GRB10: variants seen among roughly 807,000 people sequenced by gnomAD.
GRB10 encodes the protein growth factor receptor-bound protein 10.
Under a neutral mutation model 80.9 loss-of-function variants are expected in GRB10, and 20 were observed. That is an observed-to-expected ratio of 0.25 (90% CI 0.17 to 0.36). The LOEUF (loss-of-function observed/expected upper bound fraction) is 0.36, where lower values mean the gene tolerates loss of function less well. GRB10 is among the 10% of genes least tolerant of loss of function. The pLI, the probability that GRB10 is intolerant of heterozygous loss-of-function variation, is 1.00. For missense variants in GRB10, 548 were observed against 747.7 expected, an observed-to-expected ratio of 0.73 and a Z score of 3.12; for synonymous variants, 291 against 291.5, an observed-to-expected ratio of 1.00 and a Z score of 0.02.
At chr7:50,667,315 T>G (rs148540985) in intron 7 of GRB10, among the ~76,000 whole-genome samples, 19 of 152,342 alleles carry the variant, frequency 1.2e-4, no homozygotes, top group Middle Eastern at 3.4e-3. Context: ...CTACGTTAAC[T>G]GAGTTCTTCC....
At chr7:50,720,398 T>C (rs2067526452) in intron 4 of GRB10, among the ~76,000 whole-genome samples, 1 of 152,104 alleles carries the variant, frequency 6.6e-6, no homozygotes, top group Non-Finnish European at 1.5e-5. Flanking sequence ...GACTGCATGA[T>C]GAAAACTGGA....
intron 4 of GRB10, chr7:50,710,924 CCT>C: frequency 3.7e-6 from 6 of 1,611,936 alleles, no homozygotes; most frequent in Non-Finnish European, 5.1e-6. Flanking sequence ...TCTCTCTCTC[CCT>C]CTCTCTACAG....
chr7:50,788,953 G>C (rs921203888), intron 1 of GRB10, among the ~76,000 whole-genome samples: 1 of 152,172 alleles, frequency 6.6e-6, no homozygotes. Flanking sequence ...CGCACTGCAG[G>C]GGTCTTCACA....
chr7:50,592,881 A>G lies in GRB10; in HGVS notation c.*71T>C. On this transcript the variant is annotated 3_prime_UTR_variant, in exon 19 of 19. Transcript: ENST00000401949. ...GGTGCAGAATCGATGTGTGTTCTTCACCAACGCACAGACCGCTTCTTCACT... is the reference window on the plus strand; with the variant it reads ...GGTGCAGAATCGATGTGTGTTCTTCGCCAACGCACAGACCGCTTCTTCACT... 6.5e-7 allele frequency: 1 copy of G among 1,546,360 alleles called. No individual in the cohort carries two copies. The highest frequency in any genetic ancestry group is 8.9e-7 in the Non-Finnish European group (1 of 1,119,636).
chr7:50,746,642 C>T (rs1279646066), intron 3 of GRB10, among the ~76,000 whole-genome samples: 1 of 152,130 alleles, frequency 6.6e-6, no homozygotes, highest in African/African-American at 2.4e-5. Flanking sequence ...CTTCATTCAC[C>T]CTCAGCTACT....
intron 7 of GRB10, among the ~76,000 whole-genome samples, chr7:50,630,905 C>T (rs947054614): frequency 6.6e-6 from 1 of 152,166 alleles, no homozygotes; most frequent in Non-Finnish European, 1.5e-5. Flanking sequence ...TTTCTGTTGT[C>T]ACTTTTTACA....
At chr7:50,689,689 C>A (rs1368315342) in intron 5 of GRB10, among the ~76,000 whole-genome samples, 1 of 151,960 alleles carries the variant, frequency 6.6e-6, no homozygotes, top group African/African-American at 2.4e-5. Flanking sequence ...TTGAGGACCT[C>A]CTTAAAGATG....
chr7:50,612,687 C>G, intron 13 of GRB10, 54 bp downstream of exon 13: 1 of 1,210,556 alleles, frequency 8.3e-7, no homozygotes, highest in Admixed American at 1.7e-5. Context: ...AGTCCAGAGG[C>G]CAATTTTCCA....
intron 5 of GRB10, among the ~76,000 whole-genome samples, chr7:50,688,664 T>G (rs890054901): frequency 6.0e-5 from 9 of 149,762 alleles, no homozygotes; most frequent in Non-Finnish European, 1.2e-4. Flanking sequence ...GGCCACTGAA[T>G]CCCACTCTCA....
intron 5 of GRB10, among the ~76,000 whole-genome samples, chr7:50,703,419 T>C (rs1037605012): frequency 6.6e-6 from 1 of 152,146 alleles, no homozygotes. Context: ...TAAATATTAA[T>C]AGAAGGAACA....
intron 4 of GRB10, among the ~76,000 whole-genome samples, chr7:50,715,421 T>C (rs1283856351): frequency 6.6e-6 from 1 of 152,132 alleles, no homozygotes; most frequent in East Asian, 1.9e-4. Flanking sequence ...GAGTGACTTT[T>C]CCCAGTAAGA....
intron 7 of GRB10, among the ~76,000 whole-genome samples, chr7:50,647,975 G>A (rs1013146335): frequency 7.2e-5 from 11 of 152,314 alleles, no homozygotes; most frequent in South Asian, 2.1e-4. Flanking sequence ...GACCTGTTGC[G>A]TTGGCAGTGT....
rs779391116 is a variant in GRB10, at chr7:50,605,350, G to A, written c.1329C>T (p.Arg443=). 21 of 1,614,058 alleles carry A rather than the reference G, an allele frequency of 1.3e-5. No homozygotes were observed. The highest frequency in any genetic ancestry group is 2.2e-5 in the South Asian group (2 of 91,088). The change falls in exon 15 of 19, where the codon CGC becomes CGT. Residue 443 remains arginine (R), a synonymous_variant. Coordinates refer to ENST00000401949, the MANE Select transcript of GRB10 (RefSeq NM_001350814.2). ...GGGCCTCTGCCGGATTCTCTATCAC[G>A]CGTCCTGTTTGCCCAGAAAAATCCA... is the stretch of plus-strand genomic sequence containing the variant. The part of the protein sequence containing the change: ...VAMDFSGQTG[R]VIENPAEAQS...
intron 2 of GRB10, chr7:50,779,386 T>C (rs2078047220): frequency 6.6e-6 from 1 of 152,230 alleles, no homozygotes; most frequent in Non-Finnish European, 1.5e-5. Flanking sequence ...TTTTCAGACA[T>C]TGTTAATATT....
At chr7:50,627,751 C>T (rs543232273) in intron 7 of GRB10, among the ~76,000 whole-genome samples, 8 of 152,382 alleles carry the variant, frequency 5.2e-5, no homozygotes, top group African/African-American at 1.7e-4. Context: ...GTGTGTTTAA[C>T]AAATCCTTAC....
chr7:50,594,213 G>T (rs949083022), intron 18 of GRB10, among the ~76,000 whole-genome samples: 1 of 152,174 alleles, frequency 6.6e-6, no homozygotes. Context: ...CCCCAGTGCG[G>T]TGCAGGAAAA....
At chr7:50,757,104 C>A (rs2075191137) in intron 2 of GRB10, among the ~76,000 whole-genome samples, 1 of 152,180 alleles carries the variant, frequency 6.6e-6, no homozygotes, top group African/African-American at 2.4e-5. Context: ...GAAGACCAGT[C>A]AAATGGCTGT....
intron 7 of GRB10, among the ~76,000 whole-genome samples, chr7:50,630,342 C>T (rs1409390701): frequency 6.6e-6 from 1 of 152,212 alleles, no homozygotes; most frequent in Non-Finnish European, 1.5e-5. Flanking sequence ...CCTCTCTGTG[C>T]CTCAGTTTCC....
intron 2 of GRB10, among the ~76,000 whole-genome samples, chr7:50,776,776 T>C (rs1270035366): frequency 6.6e-6 from 1 of 152,192 alleles, no homozygotes; most frequent in Admixed American, 6.5e-5. Flanking sequence ...CATTTCCATA[T>C]ACGACCACAG....
Sources: gnomAD v4.1 joint callset for allele counts (sites outside exome capture counted in the v4.1 genomes callset) on GRCh38, gnomAD v4.1.1 for gene constraint, MANE v1.5 for transcripts, NCBI Gene and HGNC (gene_info 2026-07-23, HGNC 2026-07-21) for gene names.